Variants in KRT77 observed in about 807,000 individuals in gnomAD.
KRT77 encodes keratin 77.
A neutral mutation model predicts 51.5 loss-of-function variants in KRT77; 44 were observed. The ratio of observed to expected loss-of-function variants is 0.85; its 90% CI spans 0.67 to 1.10. The LOEUF (loss-of-function observed/expected upper bound fraction) is 1.10. KRT77 is among the 50% of genes least tolerant of loss of function. The pLI is 0.00. For synonymous variants in KRT77, 293 were observed against 302.0 expected (o/e 0.97, Z 0.31); for missense variants, 763 against 743.9 (o/e 1.03, Z -0.30).
rs1245852350 is a variant in KRT77 at position 52,689,671 on chromosome 12, C to A, written c.*1494G>T. 1 of 152,292 alleles carries A rather than the reference C, an allele frequency of 6.6e-6. No homozygotes were observed. Among genetic ancestry groups the A allele is most frequent in the Non-Finnish European group, 1.5e-5 (1 of 68,152 alleles). 9.4% of individuals were successfully genotyped at this position (152,292 alleles called of 1,614,324 possible). On this transcript the variant is annotated 3_prime_UTR_variant, in exon 9 of 9. Coordinates refer to ENST00000341809, the MANE Select transcript of KRT77 (RefSeq NM_175078.3). ...TATTATAGAAATACCAGAAATGCTG[C>A]CCCTTGACAGTACAACTTTGAACCA...
At chr12:52,699,175 A>G (rs1032609729) in intron 1 of KRT77, among the ~76,000 whole-genome samples, 23 of 152,062 alleles carry the variant, frequency 1.5e-4, no homozygotes, top group African/African-American at 5.1e-4. Context: ...CTCTATTTTT[A>G]CTCTGTGGTG....
rs147453297 is a variant in KRT77 at position 52,695,797 on chromosome 12, T to C, written c.890A>G (p.Asn297Ser). ...CGTCAAAAATAAATATTTCAAGAAA[T>C]TGACCTCCCCAGTCAGAGTGTCCAC... ...SRVDTLTGEV[N>S]FLKYLFLTEL... Residue 297 changes from asparagine (N) to serine (S), a missense_variant, in exon 4 of 9, where the codon AAT becomes AGT. Coordinates refer to ENST00000341809, the MANE Select transcript of KRT77 (RefSeq NM_175078.3). 6.2e-7 allele frequency: 1 copy of C among 1,613,654 alleles called. No homozygotes were observed. The highest frequency in any genetic ancestry group is 8.5e-7 in the Non-Finnish European group (1 of 1,179,546).
At chr12:52,697,642 G>T (rs767035193) in intron 2 of KRT77, 40 bp downstream of exon 2, 2 of 1,551,208 alleles carry the variant, frequency 1.3e-6, no homozygotes, top group East Asian at 2.3e-5. Flanking sequence ...CCAGTTTCCG[G>T]CCATGCTTCT....
At chr12:52,698,390 A>G in intron 1 of KRT77, 1 of 393,892 alleles carries the variant, frequency 2.5e-6, no homozygotes, top group Non-Finnish European at 5.1e-6. Flanking sequence ...TGCAGCCACC[A>G]CCACCTCTGC....
At position 52,691,407 on chromosome 12, in the gene KRT77, C is replaced by T. The variant is rs745521566; in HGVS notation, c.1495G>A (p.Gly499Ser). Residue 499 changes from glycine (G) to serine (S), a missense_variant, in exon 9 of 9, where the codon GGC becomes AGC. Coordinates refer to ENST00000341809, the MANE Select transcript of KRT77 (RefSeq NM_175078.3). Reference sequence around the variant, plus strand: ...CCGTAGCTGCCGCCGCCTCCCGCGCCGCCGTTGACGCTCACCTGGCTGTTC... The same window carrying T: ...CCGTAGCTGCCGCCGCCTCCCGCGCTGCCGTTGACGCTCACCTGGCTGTTC... ...VQNSQVSVNG[G>S]AGGGGSYGSG... 6.9e-6 allele frequency: 11 copies of T among 1,597,796 alleles called. No individual in the cohort carries two copies. The African/African-American group carries it at 1.2e-4, about 18-fold the overall frequency.
In KRT77 at chr12:52,703,512, C is replaced by T. The variant is rs1941918695; in HGVS notation, c.-78G>A. 1.6e-6 allele frequency: 2 copies of T among 1,257,402 alleles called. No homozygotes were observed. Among genetic ancestry groups the T allele is most frequent in the Non-Finnish European group, 2.2e-6 (2 of 913,228 alleles). The allele number at this position is 1,257,402 out of a possible 1,614,324, so 77.9% of individuals were successfully genotyped here. On this transcript the variant is annotated 5_prime_UTR_variant, in exon 1 of 9. Transcript: ENST00000341809. ...AGGCAGAGACCAGAGAGGAAAGGAGCTCTGACTCCTTTGAAAAGATCTGGC... is the reference window on the plus strand; with the variant it reads ...AGGCAGAGACCAGAGAGGAAAGGAGTTCTGACTCCTTTGAAAAGATCTGGC...
intron 5 of KRT77, among the ~76,000 whole-genome samples, 190 bp downstream of exon 5, chr12:52,694,433 AAAG>A (rs1941761701): frequency 6.6e-6 from 1 of 152,250 alleles, no homozygotes; most frequent in Non-Finnish European, 1.5e-5. Context: ...TAATAGCGAC[AAAG>A]AACTGGTAGA....
At chr12:52,695,246 C>G (rs781350900) in intron 4 of KRT77, 1 of 161,832 alleles carries the variant, frequency 6.2e-6, no homozygotes, top group Non-Finnish European at 1.4e-5. Flanking sequence ...CTCAGTTTTC[C>G]CATCTGTAGA....
At chr12:52,692,949 T>C in intron 5 of KRT77, 69 bp from the exon 6 acceptor site, 2 of 1,533,996 alleles carry the variant, frequency 1.3e-6, no homozygotes, top group Non-Finnish European at 1.8e-6. Flanking sequence ...AGGGAGTAGG[T>C]CTGGGCTGCT....
intron 3 of KRT77, 75 bp from the exon 4 acceptor site, chr12:52,695,942 C>A: frequency 3.2e-6 from 3 of 936,190 alleles, no homozygotes; most frequent in South Asian, 1.3e-5. Flanking sequence ...CTGGCTCAGG[C>A]GAGTGGCAGA....
At chr12:52,696,265 C>T in intron 3 of KRT77, 105 bp downstream of exon 3, 3 of 1,067,382 alleles carry the variant, frequency 2.8e-6, no homozygotes, top group Non-Finnish European at 2.9e-6. Flanking sequence ...AGCAAGCCGG[C>T]CGTAGAGGCC....
intron 1 of KRT77, chr12:52,698,351 T>A: frequency 2.2e-6 from 1 of 444,604 alleles, no homozygotes; most frequent in Non-Finnish European, 4.5e-6. Context: ...AACTAATTCC[T>A]GAGCACACTT....
Position 52,691,428 on chromosome 12 carries a change from T to C in KRT77, c.1474A>G (p.Ser492Gly), listed in dbSNP as rs1479012947. ...QSHVSISVQN[S>G]QVSVNGGAGG... ...GCGCCGCCGTTGACGCTCACCTGGC[T>C]GTTCTGCACGGCTGTGGGTAGGGGA... is the stretch of plus-strand genomic sequence containing the variant. Residue 492 changes from serine to glycine, a missense_variant, in exon 9 of 9, where the codon AGC becomes GGC. By Grantham distance (56) the Ser-to-Gly change is moderately conservative. Coordinates refer to ENST00000341809, the MANE Select transcript of KRT77 (RefSeq NM_175078.3). 3.3e-5 allele frequency: 52 copies of C among 1,591,530 alleles called. No individual in the cohort carries two copies. Among genetic ancestry groups the C allele is most frequent in the Non-Finnish European group, 4.4e-5 (52 of 1,173,760 alleles).
chr12:52,691,566 A>G, intron 8 of KRT77, 127 bp from the exon 9 acceptor site: 2 of 1,074,084 alleles, frequency 1.9e-6, no homozygotes, highest in Non-Finnish European at 2.7e-6. Flanking sequence ...AACCCCATAC[A>G]TTGAAAATTG....
In KRT77 at chr12:52,692,443, G is replaced by A. The variant is rs1189358646; in HGVS notation, c.1405C>T (p.Leu469=). ...CACCTGCTCTCCTCGCCCTCCAGCA[G>A]CTGGCGGTAGGTGGCGATCTCCACA... ...LDVEIATYRQ[L]LEGEESRMSG... The change falls in exon 7 of 9, where the codon CTG becomes TTG. Residue 469 remains leucine (L), a synonymous_variant. Coordinates refer to ENST00000341809, the MANE Select transcript of KRT77 (RefSeq NM_175078.3). 3.7e-6 allele frequency: 6 copies of A among 1,613,848 alleles called. No individual in the cohort carries two copies. In the Admixed American group the frequency reaches 6.7e-5, roughly 18 times the overall value.
rs909847111 is a variant in KRT77, at chr12:52,690,153, G to A, written c.*1012C>T. 3.3e-5 allele frequency: 5 copies of A among 152,280 alleles called. No individual in the cohort carries two copies. Among genetic ancestry groups the A allele is most frequent in the African/African-American group, 1.2e-4 (5 of 41,448 alleles). The allele number at this position is 152,280 out of a possible 1,614,324, so 9.4% of individuals were successfully genotyped here. On this transcript the variant is annotated 3_prime_UTR_variant, in exon 9 of 9. Coordinates refer to ENST00000341809, the MANE Select transcript of KRT77 (RefSeq NM_175078.3). ...CCCACCCAATGGGGCAATTCTCAGA[G>A]TGGTTATGATGCAGAGCTTAGGAAG...
chr12:52,695,617 A>G (rs370669501), intron 4 of KRT77, among the ~76,000 whole-genome samples, 155 bp downstream of exon 4: 1 of 151,858 alleles, frequency 6.6e-6, no homozygotes. Context: ...TGGGGTGGAG[A>G]GGATGGCTGA....
rs1319264336 is a variant in KRT77, at chr12:52,693,257, C to T, written c.1081-377G>A. Among the ~76,000 whole-genome samples, 2 of 150,546 alleles carry T rather than the reference C, an allele frequency of 1.3e-5. 1 individual carries two copies. The highest frequency in any genetic ancestry group is 3.0e-5 in the Non-Finnish European group (2 of 67,122). On this transcript the variant is annotated intron_variant, in intron 5 of 8. Transcript: ENST00000341809. ...CCACCATATAGCTTCCCACCCTTTT[C>T]CAGGATGATCTCCCTAGCAGTCAAG...
chr12:52,693,782 G>A (rs893577728), intron 5 of KRT77: 2 of 151,034 alleles, frequency 1.3e-5, no homozygotes, highest in South Asian at 2.1e-4. Flanking sequence ...TTAAAAATGC[G>A]GCAGGTTATT....
Sources: allele counts gnomAD v4.1 joint callset (sites outside exome capture counted in the v4.1 genomes callset), GRCh38; gene constraint gnomAD v4.1.1; transcripts MANE v1.5; gene names NCBI Gene and HGNC (gene_info 2026-07-23, HGNC 2026-07-21).